Variants in TBATA observed in about 807,000 individuals in gnomAD.
TBATA encodes protein TBATA.
TBATA carries 47 observed loss-of-function variants against 38.7 expected under a neutral mutation model. The observed-to-expected ratio is 1.21, with a 90% CI of 0.96 to 1.55. The LOEUF is 1.55. Among genes scored for constraint, TBATA ranks in the 40% most tolerant of loss-of-function variants. The probability of loss-of-function intolerance (pLI) is 0.00; values close to 1 mark genes in which losing one functional copy is unlikely to be tolerated. For missense variants in TBATA, 436 were observed against 435.6 expected (o/e 1.00, Z -0.01); for synonymous variants, 183 against 170.5 (o/e 1.07, Z -0.57).
At chr10:70,784,979 T>C (rs577702946) in intron 1 of TBATA, among the ~76,000 whole-genome samples, 1 of 152,218 alleles carries the variant, frequency 6.6e-6, no homozygotes, top group African/African-American at 2.4e-5. Flanking sequence ...TTTTTATTTC[T>C]TAAATGTTAG....
intron 9 of TBATA, among the ~76,000 whole-genome samples, chr10:70,772,802 T>A (rs796276485): frequency 6.6e-6 from 1 of 152,208 alleles, no homozygotes; most frequent in Admixed American, 6.5e-5. Flanking sequence ...CCCTGCCGTC[T>A]GCAGTTAGTT....
At chr10:70,778,791 G>T in intron 5 of TBATA, 155 bp from the exon 6 acceptor site, 3 of 678,632 alleles carry the variant, frequency 4.4e-6, no homozygotes, top group Non-Finnish European at 8.0e-6. Context: ...GAGGGAGAAG[G>T]ATCTGGATTC....
At chr10:70,771,821 G>A (rs1303367671) in intron 10 of TBATA, among the ~76,000 whole-genome samples, 1 of 152,014 alleles carries the variant, frequency 6.6e-6, no homozygotes, top group African/African-American at 2.4e-5. Context: ...TCTAGTCTAA[G>A]GCACCAGGAT....
At chr10:70,784,379 T>C (rs1396560581) in intron 2 of TBATA, among the ~76,000 whole-genome samples, 1 of 152,166 alleles carries the variant, frequency 6.6e-6, no homozygotes, top group East Asian at 1.9e-4. Context: ...TGAAAGATGA[T>C]AGGTGTCAAA....
chr10:70,779,469 C>T (rs1207671801), intron 5 of TBATA, 124 bp downstream of exon 5: 2 of 1,146,216 alleles, frequency 1.7e-6, no homozygotes. Flanking sequence ...AAGTGGGGTT[C>T]CCCCAACGGA....
At chr10:70,771,626 G>A (rs931540789) in intron 10 of TBATA, among the ~76,000 whole-genome samples, 165 bp from the exon 11 acceptor site, 15 of 152,174 alleles carry the variant, frequency 9.9e-5, no homozygotes, top group Non-Finnish European at 1.0e-4. Context: ...TGAGAGGAAT[G>A]GAGCGAATGG....
rs780113789 is a variant in TBATA at position 70,782,054 on chromosome 10, AG to A, written c.42-19del. The A allele has an allele frequency of 6.2e-7, 1 of 1,613,132 alleles. No individual in the cohort carries two copies. The highest frequency in any genetic ancestry group is 1.3e-5 in the African/African-American group (1 of 75,010). On this transcript the variant is annotated intron_variant, in intron 3 of 10. Coordinates refer to ENST00000456372, the MANE Select transcript of TBATA (RefSeq NM_001318241.2). Reference sequence around the variant, plus strand: ...CCTTTGGACTGAAGGAGGGGGTTTCAGGAGAAGCTAATGGAGTCTCCTCTGG... The same window carrying A: ...CCTTTGGACTGAAGGAGGGGGTTTCAGAGAAGCTAATGGAGTCTCCTCTGG...
Position 70,771,283 on chromosome 10 carries a change from A to AATC in TBATA, c.*90_*92dup. 1 of 1,611,894 alleles carries AATC rather than the reference A, an allele frequency of 6.2e-7. No individual in the cohort carries two copies. The highest frequency in any genetic ancestry group is 8.5e-7 in the Non-Finnish European group (1 of 1,178,644). ...TTTAGTAAGAGTTTTCACGGTAGGG[A>AATC]ATCAGGTACTGCTGTGAAGGTGGTG... On this transcript the variant is annotated 3_prime_UTR_variant, in exon 11 of 11. Transcript: ENST00000456372.
chr10:70,773,464 G>GACC (rs1564574133), intron 9 of TBATA, among the ~76,000 whole-genome samples: 1 of 7,076 alleles, frequency 1.4e-4, no homozygotes, highest in Admixed American at 1.8e-3. Flanking sequence ...TAAAAATACA[G>GACC]GCCCCCCCGG....
intron 6 of TBATA, chr10:70,777,917 G>T: frequency 2.6e-6 from 1 of 384,610 alleles, no homozygotes. Flanking sequence ...GAGTTGTCCT[G>T]AGTGCTGCAG....
chr10:70,781,844 G>A lies in TBATA; in HGVS notation c.234C>T (p.Phe78=). ...CFGRLSHHSF[F]SRHHPHPQHV... is the part of the protein sequence containing the mutation. ...GCTGGGGGTGTGGGTGGTGCCGGGA[G>A]AAGAAGGAGTGGTGACTGAGGCGTC... The change falls in exon 4 of 11, where the codon TTC becomes TTT. Residue 78 remains phenylalanine (F), a synonymous_variant. Transcript: ENST00000456372. 6.2e-7 allele frequency: 1 copy of A among 1,614,124 alleles called. No individual in the cohort carries two copies. Among genetic ancestry groups the A allele is most frequent in the Non-Finnish European group, 8.5e-7 (1 of 1,179,942 alleles).
intron 4 of TBATA, among the ~76,000 whole-genome samples, chr10:70,780,237 C>G (rs1377464511): frequency 6.6e-6 from 1 of 151,552 alleles, no homozygotes; most frequent in African/African-American, 2.4e-5. Flanking sequence ...AGGCTGCGTG[C>G]AGGGCAGCCT....
Position 70,774,347 on chromosome 10 carries a change from G to A in TBATA, c.786C>T (p.Leu262=), listed in dbSNP as rs150078967. The A allele has an allele frequency of 3.3e-4, 534 of 1,595,492 alleles. No individual in the cohort carries two copies. The African/African-American group carries it at 6.3e-3, about 19-fold the overall frequency. The change falls in exon 9 of 11, where the codon CTC becomes CTT. Residue 262 remains leucine, a synonymous_variant. Transcript: ENST00000456372. ...LLYAPPKEKD[L]ALGLLQTAVA... ...CTGCTGTCTGCAGGAGTCCCAGAGC[G>A]AGGTCTTTTTCTGAAAGCACAGCCC...
intron 9 of TBATA, among the ~76,000 whole-genome samples, chr10:70,773,312 A>G (rs776101599): frequency 2.6e-5 from 4 of 152,118 alleles, no homozygotes; most frequent in Non-Finnish European, 5.9e-5. Context: ...CCCCAGTTGT[A>G]TACCTTCCTG....
intron 8 of TBATA, among the ~76,000 whole-genome samples, chr10:70,774,949 G>T (rs1385439829): frequency 3.9e-5 from 6 of 152,162 alleles, no homozygotes; most frequent in African/African-American, 1.4e-4. Context: ...CAGCATGAAA[G>T]AGGGGTCCCC....
At position 70,779,609 on chromosome 10, in the gene TBATA, G is replaced by C. The variant is rs1843883084; in HGVS notation, c.411C>G (p.Asn137Lys). Reference sequence around the variant, plus strand: ...AGTACCCACCAGAAGAAAGCTGGGGGTTCCGATTAGACTGTGGGTCTCCAA... The same window carrying C: ...AGTACCCACCAGAAGAAAGCTGGGGCTTCCGATTAGACTGTGGGTCTCCAA... Reference protein sequence around the residue: ...VPIGDPQSNRNPQLSSEAWKK... With the variant: ...VPIGDPQSNRKPQLSSEAWKK... The change falls in exon 5 of 11, where the codon AAC becomes AAG. Residue 137 changes from asparagine to lysine, a missense_variant. Physicochemically the swap from Asn to Lys is moderately conservative, Grantham distance 94. Coordinates refer to ENST00000456372, the MANE Select transcript of TBATA (RefSeq NM_001318241.2). 1 of 1,509,008 alleles carries C rather than the reference G, an allele frequency of 6.6e-7. No homozygotes were observed. Among genetic ancestry groups the C allele is most frequent in the Non-Finnish European group, 8.8e-7 (1 of 1,134,944 alleles). The allele number at this position is 1,509,008 out of a possible 1,614,324, so 93.5% of individuals were successfully genotyped here. A position where few individuals can be genotyped will look rare whatever the true frequency, so the allele number is the denominator to read the frequency against.
intron 5 of TBATA, among the ~76,000 whole-genome samples, 182 bp downstream of exon 5, chr10:70,779,411 G>C (rs1456734412): frequency 6.6e-6 from 1 of 152,244 alleles, no homozygotes; most frequent in Non-Finnish European, 1.5e-5. Flanking sequence ...AGGACTTGCT[G>C]GGTGGGGAGT....
chr10:70,780,617 A>T (rs188130086), intron 4 of TBATA, among the ~76,000 whole-genome samples: 157 of 151,962 alleles, frequency 1.0e-3, no homozygotes, highest in African/African-American at 3.7e-3. Context: ...TGAACTCCAG[A>T]TCCGACTGCA....
chr10:70,771,456 T>C lies in TBATA; in HGVS notation c.979A>G (p.Ile327Val). Residue 327 changes from isoleucine to valine, a missense_variant, in exon 11 of 11, where the codon ATT becomes GTT. Coordinates refer to ENST00000456372, the MANE Select transcript of TBATA (RefSeq NM_001318241.2). ...ATCTGGAGGACTTGAGCTTCTCCAA[T>C]GTACTCTAGTGGGAGGAGAGACAGC... ...PFTKSEKPEY[I>V]GEAQVLQMHS... 1 of 1,613,772 alleles carries C rather than the reference T, an allele frequency of 6.2e-7. No individual in the cohort carries two copies. Among genetic ancestry groups the C allele is most frequent in the Admixed American group, 1.7e-5 (1 of 59,994 alleles).
Sources: gnomAD v4.1 joint callset for allele counts (sites outside exome capture counted in the v4.1 genomes callset) on GRCh38, gnomAD v4.1.1 for gene constraint, MANE v1.5 for transcripts, NCBI Gene and HGNC (gene_info 2026-07-23, HGNC 2026-07-21) for gene names.